The following SAMD4B variants were observed in gnomAD, a reference collection of about 807,000 sequenced individuals.
SAMD4B encodes protein Smaug homolog 2.
Under a neutral mutation model 74.5 loss-of-function variants are expected in SAMD4B, and 5 were observed. The observed-to-expected ratio is 0.07, with a 90% CI of 0.04 to 0.14. SAMD4B has a LOEUF of 0.14. Ranked by LOEUF, SAMD4B falls within the 10% of genes least tolerant of loss-of-function variation. The pLI is 1.00. For synonymous variants in SAMD4B, 373 were observed against 374.9 expected (o/e 1.00, Z 0.06); for missense variants, 608 against 921.8 (o/e 0.66, Z 4.41).
chr19:39,343,876 C>T (rs183778204), intron 1 of SAMD4B, among the ~76,000 whole-genome samples: 1 of 151,834 alleles, frequency 6.6e-6, no homozygotes, highest in Admixed American at 6.6e-5. Context: ...CCTCAGAATC[C>T]CCCCTTGCAG....
At chr19:39,386,320 C>G (rs201655723), downstream of SAMD4B, 1 of 1,614,196 alleles carries the variant, frequency 6.2e-7, no homozygotes, top group Admixed American at 1.7e-5. This position sits in a 1 kb window ranked among gnomAD's most constrained non-coding sequence, Gnocchi z 6.1. Flanking sequence ...TCCCTGTCAC[C>G]TTCCTCCCGT....
At chr19:39,379,172 C>T (rs952589342) in intron 9 of SAMD4B, among the ~76,000 whole-genome samples, 1 of 151,644 alleles carries the variant, frequency 6.6e-6, no homozygotes, top group South Asian at 2.1e-4. Context: ...ACAGGCGTGA[C>T]GATTTTCTTT....
rs1416416806 is a variant in SAMD4B, at chr19:39,367,512, T to TC, written c.197-2143_197-2142insC. On this transcript the variant is annotated intron_variant, in intron 3 of 13. Coordinates refer to ENST00000610417, the MANE Select transcript of SAMD4B (RefSeq NM_001384574.2). ...GAGGTTTTTTTTTTCTTTTTCTTTT[T>TC]TTTTTTTTTTTTTTTGAGACGGAGT... 2.8e-5 allele frequency among the ~76,000 whole-genome samples: 4 copies of TC among 144,208 alleles called. No individual in the cohort carries two copies. The East Asian group carries it at 5.9e-4, about 21-fold the overall frequency. The allele number at this position is 144,208 out of a possible 152,430, so 94.6% of individuals were successfully genotyped here.
In SAMD4B at chr19:39,385,396, G is replaced by A. The variant is rs908465866; in HGVS notation, c.*1869G>A. On this transcript the variant is annotated 3_prime_UTR_variant, in exon 14 of 14. Transcript: ENST00000610417. ...GCACTGGGAGGTGGTGAGGGACACCGTCTCACACACACAGGGAGGCAAGAG... is the reference window on the plus strand; with the variant it reads ...GCACTGGGAGGTGGTGAGGGACACCATCTCACACACACAGGGAGGCAAGAG... 8.6e-5 allele frequency: 35 copies of A among 409,184 alleles called. No individual in the cohort carries two copies. The highest frequency in any genetic ancestry group is 2.8e-4 in the East Asian group (8 of 28,644). The allele number at this position is 409,184 out of a possible 1,614,324, so 25.3% of individuals were successfully genotyped here. A position where few individuals can be genotyped will look rare whatever the true frequency, so the allele number is the denominator to read the frequency against.
At position 39,384,262 on chromosome 19, in the gene SAMD4B, G is replaced by A. The variant is rs1019759265; in HGVS notation, c.*735G>A. The A allele has an allele frequency of 6.5e-6, 1 of 153,030 alleles. No homozygotes were observed. Among genetic ancestry groups the A allele is most frequent in the African/African-American group, 2.4e-5 (1 of 41,410 alleles). 9.5% of individuals were successfully genotyped at this position (153,030 alleles called of 1,614,324 possible). On this transcript the variant is annotated 3_prime_UTR_variant, in exon 14 of 14. Coordinates refer to ENST00000610417, the MANE Select transcript of SAMD4B (RefSeq NM_001384574.2). ...GCCAAGACAGTGGCAGGGAGAGCCTGAACTTTATGAGGGGAGAGGGCAGAG... is the reference window on the plus strand; with the variant it reads ...GCCAAGACAGTGGCAGGGAGAGCCTAAACTTTATGAGGGGAGAGGGCAGAG...
Position 39,376,609 on chromosome 19 carries a change from C to T in SAMD4B, c.1017+63C>T, listed in dbSNP as rs2077612759. ...AGCGCTAGTTTGGCATCCTTGCAGC[C>T]CAAGCCTCCTCTGTCTCCTTGATCT... On this transcript the variant is annotated intron_variant, in intron 6 of 13. Transcript: ENST00000610417. The T allele has an allele frequency of 6.3e-6, 10 of 1,578,216 alleles. No homozygotes were observed. In the South Asian group the frequency reaches 1.0e-4, roughly 16 times the overall value.
chr19:39,374,234 G>A (rs746301602), intron 4 of SAMD4B, among the ~76,000 whole-genome samples: 9 of 151,990 alleles, frequency 5.9e-5, no homozygotes, highest in Non-Finnish European at 1.0e-4. Context: ...TTGCACCACC[G>A]CACTCGGCGA....
chr19:39,377,281 C>T (rs1166186222), intron 7 of SAMD4B, among the ~76,000 whole-genome samples: 3 of 152,098 alleles, frequency 2.0e-5, no homozygotes, highest in African/African-American at 7.2e-5. Context: ...TTCGTGAGTT[C>T]TGTGGGACTT....
chr19:39,377,441 T>G, intron 7 of SAMD4B, 44 bp from the exon 8 acceptor site: 2 of 1,465,790 alleles, frequency 1.4e-6, no homozygotes, highest in East Asian at 4.6e-5. Flanking sequence ...CTGTCCCTCA[T>G]TGTAGGGTCT....
chr19:39,370,841 C>T (rs964290654), intron 4 of SAMD4B, among the ~76,000 whole-genome samples: 9 of 152,182 alleles, frequency 5.9e-5, no homozygotes, highest in African/African-American at 2.2e-4. Context: ...GCATCACAAC[C>T]GTATCATTAG....
In SAMD4B at chr19:39,370,008, G is replaced by A. The variant is rs779738696; in HGVS notation, c.550G>A (p.Gly184Arg). The A allele has an allele frequency of 1.9e-6, 3 of 1,612,946 alleles. No individual in the cohort carries two copies. The highest frequency in any genetic ancestry group is 2.5e-6 in the Non-Finnish European group (3 of 1,179,524). The change falls in exon 4 of 14, where the codon GGG becomes AGG. Residue 184 changes from glycine to arginine, a missense_variant. Around this residue, in one of 9 missense-constraint regions of SAMD4B, gnomAD observed 153 missense variants for 153.0 expected, o/e 1.00. Transcript: ENST00000610417. ...GGGGGGCCCTGCAGAGCTAGGCCCT[G>A]GGGAGGCAGGGCCAGGCTGGCAGGA... Reference protein sequence around the residue: ...EWGGPAELGPGEAGPGWQDKP... With the variant: ...EWGGPAELGPREAGPGWQDKP...
downstream of SAMD4B, chr19:39,390,694 G>A (rs2078360918): frequency 2.0e-6 from 2 of 1,024,320 alleles, no homozygotes; most frequent in African/African-American, 1.6e-5. Flanking sequence ...GAAGGAACCC[G>A]CCCCCTTCGT....
In SAMD4B at chr19:39,373,965, T is replaced by TA. The variant is rs545734037; in HGVS notation, c.668-1679dup. Among the ~76,000 whole-genome samples the TA allele has an allele frequency of 1.1e-4, 15 of 136,538 alleles. No individual in the cohort carries two copies. The East Asian group carries it at 2.6e-3, about 23-fold the overall frequency. 89.6% of individuals were successfully genotyped at this position (136,538 alleles called of 152,430 possible). ...GGCCACAAGAGTGAAATTCCATCTC[T>TA]AAAAAATATATATATATATGACCAG... On this transcript the variant is annotated intron_variant, in intron 4 of 13. Transcript: ENST00000610417.
At chr19:39,388,936 T>C (rs770892204), downstream of SAMD4B, 1 of 1,613,982 alleles carries the variant, frequency 6.2e-7, no homozygotes, top group South Asian at 1.1e-5. Flanking sequence ...ACCTCCCACC[T>C]TGGGCCTGAC....
chr19:39,386,334 C>T, downstream of SAMD4B: 1 of 1,614,202 alleles, frequency 6.2e-7, no homozygotes, highest in South Asian at 1.1e-5. This position sits in a 1 kb window ranked among gnomAD's most constrained non-coding sequence, Gnocchi z 6.1. Context: ...CTCCCGTTCA[C>T]TCTCGCTGCC....
In SAMD4B at chr19:39,385,182, T is replaced by G; in HGVS notation, c.*1655T>G. 5.8e-6 allele frequency: 1 copy of G among 172,868 alleles called. No individual in the cohort carries two copies. Among genetic ancestry groups the G allele is most frequent in the Non-Finnish European group, 1.2e-5 (1 of 82,770 alleles). The allele number at this position is 172,868 out of a possible 1,614,324, so 10.7% of individuals were successfully genotyped here. A position where few individuals can be genotyped will look rare whatever the true frequency, so the allele number is the denominator to read the frequency against. On this transcript the variant is annotated 3_prime_UTR_variant, in exon 14 of 14. Transcript: ENST00000610417. Reference sequence around the variant, plus strand: ...AAGTCCCCCACCCCGGCCCTCCATGTTTCTGTGCCTTTGCTCATCCCCTCA... The same window carrying G: ...AAGTCCCCCACCCCGGCCCTCCATGGTTCTGTGCCTTTGCTCATCCCCTCA...
chr19:39,387,283 T>C (rs1568373127), downstream of SAMD4B: 2 of 335,160 alleles, frequency 6.0e-6, no homozygotes, highest in South Asian at 5.0e-5. Flanking sequence ...ATAGAAAAGG[T>C]ATAGTAAAGA....
intron 10 of SAMD4B, 84 bp from the exon 11 acceptor site, chr19:39,380,502 TG>T: frequency 7.4e-7 from 1 of 1,355,134 alleles, no homozygotes; most frequent in Non-Finnish European, 1.1e-6. Flanking sequence ...TCCTACAACT[TG>T]GGGTTGTTGG....
chr19:39,388,925 T>C (rs1466494141), downstream of SAMD4B: 5 of 1,613,500 alleles, frequency 3.1e-6, no homozygotes, highest in South Asian at 1.1e-5. Context: ...TGTCCCTTTC[T>C]ACCTCCCACC....
Sources: gnomAD v4.1 joint callset for allele counts (sites outside exome capture counted in the v4.1 genomes callset) on GRCh38, gnomAD v4.1.1 for gene constraint, gnomAD v4.1.1 regional missense constraint, Gnocchi (gnomAD v3.1) non-coding constraint, MANE v1.5 for transcripts, NCBI Gene and HGNC (gene_info 2026-07-23, HGNC 2026-07-21) for gene names.